The following STK32A variants were observed in gnomAD, a reference collection of about 807,000 sequenced individuals.
STK32A encodes serine/threonine kinase 32A, also known as serine/threonine-protein kinase 32A.
In STK32A, 41 loss-of-function variants were observed where a neutral mutation model predicts 53.2. The ratio of observed to expected loss-of-function variants is 0.77; its 90% CI spans 0.60 to 1.00. The LOEUF is 1.00. STK32A is among the 50% of genes least tolerant of loss of function. STK32A has a pLI of 0.00. For missense variants in STK32A, 458 were observed against 485.8 expected (o/e 0.94, Z 0.54); for synonymous variants, 166 against 162.8 (o/e 1.02, Z -0.15).
intron 11 of STK32A, among the ~76,000 whole-genome samples, chr5:147,377,019 G>A (rs1757259118): frequency 6.6e-6 from 1 of 152,108 alleles, no homozygotes; most frequent in East Asian, 1.9e-4. Context: ...TATTAGCAAG[G>A]TGTTCAGTTA....
At chr5:147,259,939 C>CTCTCTCTCTCTCCTCTCTG (rs1206414287) in intron 2 of STK32A, among the ~76,000 whole-genome samples, 3 of 143,916 alleles carry the variant, frequency 2.1e-5, no homozygotes, top group Non-Finnish European at 1.5e-5. Flanking sequence ...TCCTGGCTGT[C>CTCTCTCTCTCTCCTCTCTG]TCTCTCTCTC....
chr5:147,337,477 G>A (rs1282749018), intron 5 of STK32A, among the ~76,000 whole-genome samples: 1 of 152,104 alleles, frequency 6.6e-6, no homozygotes, highest in Non-Finnish European at 1.5e-5. Context: ...GGTGGGGATT[G>A]GTTGTTTTGC....
At chr5:147,367,532 G>A (rs966733068) in intron 8 of STK32A, among the ~76,000 whole-genome samples, 7 of 152,042 alleles carry the variant, frequency 4.6e-5, no homozygotes, top group Non-Finnish European at 7.4e-5. Flanking sequence ...GAGTGGGGCC[G>A]TTTTATAAGA....
At chr5:147,267,188 T>C (rs1354440104) in intron 2 of STK32A, among the ~76,000 whole-genome samples, 3 of 152,224 alleles carry the variant, frequency 2.0e-5, no homozygotes, top group African/African-American at 4.8e-5. Context: ...ATGGCTTATT[T>C]TACCTAGTCC....
intron 2 of STK32A, among the ~76,000 whole-genome samples, chr5:147,266,412 C>G (rs1486988746): frequency 1.3e-5 from 2 of 152,118 alleles, no homozygotes; most frequent in African/African-American, 4.8e-5. Flanking sequence ...TTGATAATAG[C>G]ATGTTGGTAA....
intron 7 of STK32A, among the ~76,000 whole-genome samples, chr5:147,356,078 G>T (rs1756225244): frequency 6.6e-6 from 1 of 151,872 alleles, no homozygotes; most frequent in Non-Finnish European, 1.5e-5. Flanking sequence ...CATAAAATAG[G>T]TTTTACTATT....
intron 2 of STK32A, among the ~76,000 whole-genome samples, chr5:147,241,499 C>A (rs1302651120): frequency 6.6e-6 from 1 of 151,910 alleles, no homozygotes; most frequent in Non-Finnish European, 1.5e-5. Flanking sequence ...AACAAACAAA[C>A]AAACAAAAAA....
chr5:147,262,825 AG>A (rs772111812), intron 2 of STK32A, among the ~76,000 whole-genome samples: 1 of 152,156 alleles, frequency 6.6e-6, no homozygotes, highest in Non-Finnish European at 1.5e-5. Context: ...AGCTTCTAGA[AG>A]GGGAAGGTGA....
intron 4 of STK32A, among the ~76,000 whole-genome samples, chr5:147,301,351 T>G (rs1236369016): frequency 6.6e-6 from 1 of 152,090 alleles, no homozygotes; most frequent in Non-Finnish European, 1.5e-5. Context: ...CTTTTCAGGG[T>G]TATTCCTGTG....
At chr5:147,334,295 T>A (rs985750794) in intron 5 of STK32A, among the ~76,000 whole-genome samples, 1 of 152,220 alleles carries the variant, frequency 6.6e-6, no homozygotes, top group Non-Finnish European at 1.5e-5. Context: ...GATTTACAAT[T>A]AGCCTCATAG....
At chr5:147,367,411 C>T (rs1253107970) in intron 8 of STK32A, among the ~76,000 whole-genome samples, 2 of 152,128 alleles carry the variant, frequency 1.3e-5, no homozygotes, top group African/African-American at 4.8e-5. Context: ...GTTATTTTCA[C>T]TCACATCCAT....
chr5:147,399,235 G>A, the STK32A span: 30 of 1,613,808 alleles, frequency 1.9e-5, no homozygotes, highest in Middle Eastern at 3.3e-4. Context: ...ACTGGTTTTC[G>A]TCCATTTTCC....
At chr5:147,342,478 C>G (rs945100315) in intron 5 of STK32A, 2 of 154,592 alleles carry the variant, frequency 1.3e-5, no homozygotes, top group African/African-American at 4.8e-5. Context: ...TGAGAGGACT[C>G]TAATTTAGGC....
At chr5:147,281,343 G>C (rs1372335029) in intron 4 of STK32A, among the ~76,000 whole-genome samples, 2 of 152,028 alleles carry the variant, frequency 1.3e-5, no homozygotes, top group East Asian at 3.9e-4. Context: ...TCAGTGCAAG[G>C]GAATCCAAAA....
rs760360583 is a variant in STK32A, at chr5:147,323,938, GACC to G, written c.302_304del (p.Asp101_Leu102delinsVal). 2.5e-6 allele frequency: 4 copies of G among 1,613,682 alleles called. No homozygotes were observed. The highest frequency in any genetic ancestry group is 3.4e-6 in the Non-Finnish European group (4 of 1,179,882). ...TGAGGAAGACATGTTCATGGTGGTGGACCTCCTGCTGGGTGGAGACCTGCGTTA... is the reference window on the plus strand; with the variant it reads ...TGAGGAAGACATGTTCATGGTGGTGGTCCTGCTGGGTGGAGACCTGCGTTA... On this transcript the variant is annotated inframe_deletion, in exon 5 of 13. Transcript: ENST00000397936.
intron 4 of STK32A, among the ~76,000 whole-genome samples, chr5:147,283,000 T>C (rs1326085372): frequency 6.6e-6 from 1 of 152,184 alleles, no homozygotes; most frequent in Non-Finnish European, 1.5e-5. Context: ...CACATTCTAT[T>C]CAACAGAGCA....
chr5:147,388,743 T>A (rs1382317983), downstream of STK32A, among the ~76,000 whole-genome samples: 1 of 152,168 alleles, frequency 6.6e-6, no homozygotes, highest in East Asian at 1.9e-4. Context: ...CCCCACCTGG[T>A]CAACGTGACT....
intron 8 of STK32A, among the ~76,000 whole-genome samples, chr5:147,362,478 C>A (rs1204381863): frequency 6.6e-6 from 1 of 152,180 alleles, no homozygotes; most frequent in Non-Finnish European, 1.5e-5. Context: ...ACTAACCTAA[C>A]CCTTATTCCC....
intron 4 of STK32A, among the ~76,000 whole-genome samples, chr5:147,307,340 G>A (rs1753458177): frequency 6.6e-6 from 1 of 151,834 alleles, no homozygotes; most frequent in Non-Finnish European, 1.5e-5. Flanking sequence ...TTTTTGTCTG[G>A]CTGGGGACAG....
Sources: allele counts gnomAD v4.1 joint callset (sites outside exome capture counted in the v4.1 genomes callset), GRCh38; gene constraint gnomAD v4.1.1; transcripts MANE v1.5; gene names NCBI Gene and HGNC (gene_info 2026-07-23, HGNC 2026-07-21).